The following TMEM217 variants were observed in gnomAD, a reference collection of about 807,000 sequenced individuals.
TMEM217 encodes the protein chromosome 6 open reading frame 128.
For synonymous variants in TMEM217, 76 were observed against 88.3 expected, an observed-to-expected ratio of 0.86 and a Z score of 0.78; for missense variants, 204 against 248.8, an observed-to-expected ratio of 0.82 and a Z score of 1.21.
At chr6:37,217,357 G>A (rs1355503770), downstream of TMEM217, among the ~76,000 whole-genome samples, 1 of 152,180 alleles carries the variant, frequency 6.6e-6, no homozygotes, top group Non-Finnish European at 1.5e-5. Flanking sequence ...CTGTTTATTT[G>A]TGATAGTATG....
exon 2 of TMEM217, chr6:37,218,643 A>T: frequency 1.9e-6 from 3 of 1,614,178 alleles, no homozygotes; most frequent in Non-Finnish European, 2.5e-6. Flanking sequence ...ACCAAGCCAA[A>T]CCAGCGCATG....
intron 1 of TMEM217, among the ~76,000 whole-genome samples, chr6:37,230,232 G>A (rs992168037): frequency 6.6e-6 from 1 of 152,194 alleles, no homozygotes; most frequent in Non-Finnish European, 1.5e-5. Flanking sequence ...TTATGGGTTC[G>A]TGTGGTAAGA....
chr6:37,230,499 C>G (rs1449981769), intron 1 of TMEM217, among the ~76,000 whole-genome samples: 1 of 152,024 alleles, frequency 6.6e-6, no homozygotes, highest in African/African-American at 2.4e-5. Flanking sequence ...AAAATTAGGT[C>G]ATTAGTGTCA....
chr6:37,217,093 A>G (rs975377872), downstream of TMEM217, among the ~76,000 whole-genome samples: 5 of 152,208 alleles, frequency 3.3e-5, no homozygotes, highest in Admixed American at 1.3e-4. Context: ...CAGGAATTCA[A>G]TACCAGCCTG....
chr6:37,215,994 GGTGTGTGTGTGTGT>G (rs60725183), downstream of TMEM217, among the ~76,000 whole-genome samples: 94,447 of 149,076 alleles, frequency 0.63, 29,805 homozygotes, highest in East Asian at 0.83. Flanking sequence ...GGTTCTTCAG[GGTGTGTGTGTGTGT>G]GTGTGTGTGT....
intron 1 of TMEM217, among the ~76,000 whole-genome samples, chr6:37,257,365 G>A (rs11970265): frequency 0.042 from 6,331 of 152,284 alleles, 420 homozygotes; most frequent in African/African-American, 0.14. Flanking sequence ...ATGAGGAAAG[G>A]AGGGTAATAA....
intron 1 of TMEM217, among the ~76,000 whole-genome samples, chr6:37,238,357 T>C (rs1428025447): frequency 6.6e-6 from 1 of 152,246 alleles, no homozygotes; most frequent in African/African-American, 2.4e-5. Flanking sequence ...TTATTATGCA[T>C]ATAAAACTAC....
chr6:37,228,659 G>A (rs1421219512), intron 1 of TMEM217, among the ~76,000 whole-genome samples: 2 of 152,054 alleles, frequency 1.3e-5, no homozygotes, highest in African/African-American at 4.8e-5. Flanking sequence ...AGCCGAGATC[G>A]CGCCACTGCA....
intron 1 of TMEM217, among the ~76,000 whole-genome samples, chr6:37,224,291 A>G (rs1360437914): frequency 1.3e-5 from 2 of 151,516 alleles, no homozygotes; most frequent in East Asian, 4.0e-4. Flanking sequence ...TACCACATGC[A>G]GCTCATTAAA....
chr6:37,217,823 A>C, exon 2 of TMEM217: 1 of 985,552 alleles, frequency 1.0e-6, no homozygotes. Flanking sequence ...AGGCTAATGA[A>C]GATGCCAAGA....
intron 1 of TMEM217, among the ~76,000 whole-genome samples, 188 bp downstream of exon 1, chr6:37,257,380 A>AG (rs1562031796): frequency 1.3e-5 from 2 of 152,212 alleles, no homozygotes; most frequent in African/African-American, 4.8e-5. Flanking sequence ...TAATAACCAG[A>AG]GTGTCATTGA....
chr6:37,223,189 G>T (rs1763642070), intron 1 of TMEM217, among the ~76,000 whole-genome samples: 1 of 151,868 alleles, frequency 6.6e-6, no homozygotes, highest in African/African-American at 2.4e-5. Context: ...CAAAATGGGG[G>T]TAGCATATTT....
At chr6:37,239,640 A>T (rs1764663997) in intron 1 of TMEM217, among the ~76,000 whole-genome samples, 1 of 152,174 alleles carries the variant, frequency 6.6e-6, no homozygotes, top group Non-Finnish European at 1.5e-5. Context: ...TCATGGTAAG[A>T]ACTTTTTATT....
At chr6:37,218,705 A>G in exon 2 of TMEM217, 1 of 1,614,126 alleles carries the variant, frequency 6.2e-7, no homozygotes. Context: ...TTGTATTACG[A>G]CGTTTGCAGT....
intron 1 of TMEM217, among the ~76,000 whole-genome samples, chr6:37,248,652 C>A (rs1334148071): frequency 6.6e-6 from 1 of 152,136 alleles, no homozygotes; most frequent in Non-Finnish European, 1.5e-5. Context: ...AATGTTCCTG[C>A]CAATTACTAG....
intron 1 of TMEM217, among the ~76,000 whole-genome samples, chr6:37,240,432 T>C (rs993533942): frequency 5.9e-5 from 9 of 152,142 alleles, no homozygotes; most frequent in African/African-American, 2.2e-4. Context: ...CTCCTGGGCC[T>C]TTCTATAGTC....
intron 1 of TMEM217, among the ~76,000 whole-genome samples, chr6:37,230,998 A>G (rs909865435): frequency 6.6e-6 from 1 of 152,114 alleles, no homozygotes; most frequent in Non-Finnish European, 1.5e-5. Flanking sequence ...ATTAAACCAA[A>G]TCAATTCAAG....
chr6:37,233,956 G>A (rs1562013795), intron 1 of TMEM217, among the ~76,000 whole-genome samples: 1 of 152,134 alleles, frequency 6.6e-6, no homozygotes, highest in African/African-American at 2.4e-5. Context: ...AATTACATGA[G>A]ATATTCAACA....
At chr6:37,222,767 T>C (rs1230405383) in intron 1 of TMEM217, among the ~76,000 whole-genome samples, 2 of 152,158 alleles carry the variant, frequency 1.3e-5, no homozygotes, top group Admixed American at 6.5e-5. Context: ...TCTACGGCTT[T>C]GGTTTGGGCG....
Sources: gnomAD v4.1 joint callset for allele counts (sites outside exome capture counted in the v4.1 genomes callset) on GRCh38, gnomAD v4.1.1 for gene constraint, MANE v1.5 for transcripts, NCBI Gene and HGNC (gene_info 2026-07-23, HGNC 2026-07-21) for gene names.